Variants in PAH observed in about 807,000 individuals in gnomAD.
PAH encodes phenylalanine hydroxylase.
A neutral mutation model predicts 62.0 loss-of-function variants in PAH; 64 were observed. The observed-to-expected ratio is 1.03, with a 90% confidence interval of 0.84 to 1.27. The LOEUF is 1.27. PAH is among the 50% of genes most tolerant of loss of function. PAH has a pLI of 0.00. For synonymous variants in PAH, 195 were observed against 196.2 expected (o/e 0.99, Z 0.05); for missense variants, 579 against 542.8 (o/e 1.07, Z -0.66).
In PAH at chr12:102,855,219, T is replaced by C; in HGVS notation, c.623A>G (p.His208Arg). 1 of 1,614,152 alleles carries C rather than the reference T, an allele frequency of 6.2e-7. No individual in the cohort carries two copies. The change falls in exon 6 of 13, where the codon CAC (histidine) becomes CGC (arginine). Residue 208 changes from histidine to arginine, a missense_variant. His to Arg is a conservative substitution (Grantham distance 29). Transcript: ENST00000553106. ...YKTHACYEYN[H>R]IFPLLEKYCG... ...GTACTTTTCAAGAAGTGGAAAAATGTGATTGTACTCATAGCAAGCATGGGT... is the reference window on the plus strand; with the variant it reads ...GTACTTTTCAAGAAGTGGAAAAATGCGATTGTACTCATAGCAAGCATGGGT...
At chr12:102,853,037 C>A in intron 6 of PAH, 87 bp from the exon 7 acceptor site, 1 of 1,408,446 alleles carries the variant, frequency 7.1e-7, no homozygotes, top group Non-Finnish European at 9.9e-7. Context: ...GAGTAGTACA[C>A]ATAACTGCCC....
At chr12:102,902,602 C>A (rs773147144) in intron 2 of PAH, among the ~76,000 whole-genome samples, 1 of 152,152 alleles carries the variant, frequency 6.6e-6, no homozygotes, top group Non-Finnish European at 1.5e-5. Context: ...GCCAGCAATG[C>A]CCCAGTTGAC....
At chr12:102,861,919 T>C (rs924098645) in intron 5 of PAH, among the ~76,000 whole-genome samples, 15 of 143,840 alleles carry the variant, frequency 1.0e-4, no homozygotes, top group African/African-American at 4.0e-4. Context: ...TGTATACATA[T>C]GTAACAAACC....
intron 4 of PAH, among the ~76,000 whole-genome samples, chr12:102,869,571 T>C (rs575834853): frequency 3.3e-5 from 5 of 152,328 alleles, no homozygotes; most frequent in Non-Finnish European, 5.9e-5. Flanking sequence ...CACACATTGG[T>C]ATACAGGAAC....
chr12:102,938,314 C>A (rs1372779427), intron 1 of PAH, among the ~76,000 whole-genome samples: 1 of 152,214 alleles, frequency 6.6e-6, no homozygotes, highest in Non-Finnish European at 1.5e-5. Flanking sequence ...CCACAACGCC[C>A]CACTCCCAGG....
At chr12:102,906,828 G>A (rs1877997262) in intron 2 of PAH, among the ~76,000 whole-genome samples, 1 of 152,204 alleles carries the variant, frequency 6.6e-6, no homozygotes, top group Non-Finnish European at 1.5e-5. Flanking sequence ...CATCCATGGA[G>A]TCCATCCTCT....
intron 9 of PAH, among the ~76,000 whole-genome samples, chr12:102,844,792 C>G (rs1272663152): frequency 6.6e-6 from 1 of 152,200 alleles, no homozygotes; most frequent in Non-Finnish European, 1.5e-5. Context: ...ACCCAACCAC[C>G]ACCCAGGGGT....
In PAH at chr12:102,855,313, C is replaced by G. The variant is rs199475602; in HGVS notation, c.529G>C (p.Val177Leu). The change falls in exon 6 of 13, where the codon GTG (valine) becomes CTG (leucine). Residue 177 changes from valine (V) to leucine (L), a missense_variant. By Grantham distance (32) the Val-to-Leu change is conservative. Transcript: ENST00000553106. Reference sequence around the variant, plus strand: ...TTCTTTTCTTCCTCCATGTATTCCACTCGAGGGATGGGCTGCCCACTAGAA... The same window carrying G: ...TTCTTTTCTTCCTCCATGTATTCCAGTCGAGGGATGGGCTGCCCACTAGAA... The part of the protein sequence containing the change: ...NYRHGQPIPR[V>L]EYMEEEKKTW... 9.3e-6 allele frequency: 15 copies of G among 1,613,972 alleles called. No homozygotes were observed. The highest frequency in any genetic ancestry group is 1.3e-5 in the Non-Finnish European group (15 of 1,180,010).
At chr12:102,843,882 A>C (rs1164093314) in intron 10 of PAH, 103 bp from the exon 11 acceptor site, 2 of 1,289,280 alleles carry the variant, frequency 1.6e-6, no homozygotes, top group African/African-American at 2.9e-5. Flanking sequence ...TCTCACCCCG[A>C]TTCCTTCTAC....
At chr12:102,868,126 G>GTGTATA (rs1334596674) in intron 4 of PAH, among the ~76,000 whole-genome samples, 1 of 6,450 alleles carries the variant, frequency 1.6e-4, no homozygotes, top group East Asian at 4.7e-3. Context: ...ACATATATGT[G>GTGTATA]TATATATATA....
At position 102,839,122 on chromosome 12, in the gene PAH, T is replaced by C. The variant is rs1414049183; in HGVS notation, c.*53A>G. ...GGACTTTTTCTGATGAAAGAAATAGTTGGATCTCCATCAACAGATTCACAG... is the reference window on the plus strand; with the variant it reads ...GGACTTTTTCTGATGAAAGAAATAGCTGGATCTCCATCAACAGATTCACAG... On this transcript the variant is annotated 3_prime_UTR_variant, in exon 13 of 13. Coordinates refer to ENST00000553106, the MANE Select transcript of PAH (RefSeq NM_000277.3). The C allele has an allele frequency of 3.9e-6, 6 of 1,532,436 alleles. No individual in the cohort carries two copies. The highest frequency in any genetic ancestry group is 5.4e-6 in the Non-Finnish European group (6 of 1,106,152). 94.9% of individuals were successfully genotyped at this position (1,532,436 alleles called of 1,614,324 possible).
intron 3 of PAH, among the ~76,000 whole-genome samples, chr12:102,883,055 A>G (rs1288976966): frequency 6.6e-6 from 1 of 152,114 alleles, no homozygotes; most frequent in Non-Finnish European, 1.5e-5. Context: ...TTGGGTATTA[A>G]GAGGTTTCTA....
chr12:102,902,157 G>A (rs77559374), intron 2 of PAH, among the ~76,000 whole-genome samples: 1 of 152,178 alleles, frequency 6.6e-6, no homozygotes, highest in Non-Finnish European at 1.5e-5. Context: ...GGAGAAAAAC[G>A]TGAGGGAACA....
chr12:102,956,288 G>T (rs144338882), intron 1 of PAH, among the ~76,000 whole-genome samples: 2 of 152,358 alleles, frequency 1.3e-5, no homozygotes, highest in East Asian at 3.9e-4. Flanking sequence ...AAGAGATGGG[G>T]CCTATTGCTT....
chr12:102,853,352 C>T, intron 6 of PAH: 17 of 323,736 alleles, frequency 5.3e-5, no homozygotes, highest in South Asian at 1.6e-4. Flanking sequence ...ATTTGAACCT[C>T]ATTTCCCAGA....
At chr12:102,852,671 T>C (rs1221151870) in intron 7 of PAH, 144 bp downstream of exon 7, 1 of 979,208 alleles carries the variant, frequency 1.0e-6, no homozygotes, top group Admixed American at 1.8e-5. Flanking sequence ...CCAGAATAGA[T>C]GAATTGTTTT....
intron 5 of PAH, among the ~76,000 whole-genome samples, chr12:102,858,393 C>T (rs1379769565): frequency 6.6e-6 from 1 of 152,186 alleles, no homozygotes; most frequent in Non-Finnish European, 1.5e-5. Flanking sequence ...TTTAACACCC[C>T]ACTGTCAACA....
chr12:102,847,681 C>A (rs1477139009), intron 8 of PAH, among the ~76,000 whole-genome samples: 2 of 151,908 alleles, frequency 1.3e-5, no homozygotes, highest in African/African-American at 4.8e-5. Flanking sequence ...AAAGAAGAAA[C>A]AAAAGAAGAA....
chr12:102,852,672 G>T, intron 7 of PAH, 143 bp downstream of exon 7: 4 of 990,436 alleles, frequency 4.0e-6, no homozygotes, highest in South Asian at 1.3e-5. Context: ...CAGAATAGAT[G>T]AATTGTTTTT....
Sources: allele counts gnomAD v4.1 joint callset (sites outside exome capture counted in the v4.1 genomes callset), GRCh38; gene constraint gnomAD v4.1.1; transcripts MANE v1.5; gene names NCBI Gene and HGNC (gene_info 2026-07-23, HGNC 2026-07-21).